CLVS1: variants seen among roughly 807,000 people sequenced by gnomAD.
The protein encoded by CLVS1 is clavesin-1.
Under a neutral mutation model 33.1 loss-of-function variants are expected in CLVS1, and 10 were observed. That is an observed-to-expected ratio of 0.30 (90% confidence interval 0.19 to 0.51). CLVS1 has a LOEUF of 0.51. CLVS1 is among the 20% of genes least tolerant of loss of function. The probability of loss-of-function intolerance (pLI) is 0.97; values close to 1 mark genes in which losing one functional copy is unlikely to be tolerated. For synonymous variants in CLVS1, 163 were observed against 166.1 expected (o/e 0.98, Z 0.14); for missense variants, 343 against 433.4 (o/e 0.79, Z 1.85).
intron 5 of CLVS1, among the ~76,000 whole-genome samples, chr8:61,469,166 A>G (rs1463752537): frequency 6.6e-6 from 1 of 152,204 alleles, no homozygotes; most frequent in Non-Finnish European, 1.5e-5. Flanking sequence ...CCTGTGTTTC[A>G]TGGAATCAAA....
At chr8:61,494,510 C>A (rs988463794) in intron 5 of CLVS1, among the ~76,000 whole-genome samples, 8 of 152,156 alleles carry the variant, frequency 5.3e-5, no homozygotes, top group African/African-American at 1.9e-4. Flanking sequence ...ACATGTTAAG[C>A]TTCTTGTGAG....
At chr8:61,233,158 T>C (rs1290424514) in intron 2 of CLVS1, among the ~76,000 whole-genome samples, 2 of 152,194 alleles carry the variant, frequency 1.3e-5, no homozygotes, top group Non-Finnish European at 2.9e-5. Context: ...ATTGTACCCA[T>C]CCTTCTCCCT....
In CLVS1 at chr8:61,119,983, C is replaced by T. The variant is rs1281537595; in HGVS notation, c.-242-11787C>T. On this transcript the variant is annotated intron_variant, in intron 1 of 2. Coordinates refer to the CLVS1 transcript ENST00000522621. ...TGCAGAGTGTTTTCCAACTTGGTTC[C>T]ATTCTCCCCATCACTTTCAGGTACA... Among the ~76,000 whole-genome samples the T allele has an allele frequency of 2.4e-3, 343 of 144,046 alleles. 8 individuals are homozygous for T. The highest frequency in any genetic ancestry group is 7.7e-4 in the Non-Finnish European group (51 of 66,116). 94.5% of individuals were successfully genotyped at this position (144,046 alleles called of 152,430 possible). A position where few individuals can be genotyped will look rare whatever the true frequency, so the allele number is the denominator to read the frequency against.
At chr8:61,301,617 T>C (rs1025076362) in intron 2 of CLVS1, among the ~76,000 whole-genome samples, 4 of 152,190 alleles carry the variant, frequency 2.6e-5, no homozygotes, top group Non-Finnish European at 4.4e-5. Context: ...CTTTGCATGG[T>C]AGATATTAGT....
chr8:61,199,385 T>C (rs1807683435), intron 2 of CLVS1, among the ~76,000 whole-genome samples: 1 of 152,124 alleles, frequency 6.6e-6, no homozygotes, highest in African/African-American at 2.4e-5. Context: ...ATCCAGAATC[T>C]ATAAGGAACT....
chr8:61,008,631 C>T, the CLVS1 span, among the ~76,000 whole-genome samples: 9 of 152,062 alleles, frequency 5.9e-5, no homozygotes, highest in South Asian at 1.0e-3. Context: ...CCACAGCAGG[C>T]GGGCATTCAC....
chr8:61,310,767 G>T (rs1458462808), intron 2 of CLVS1, among the ~76,000 whole-genome samples: 1 of 152,172 alleles, frequency 6.6e-6, no homozygotes, highest in African/African-American at 2.4e-5. Context: ...ACTGGATATT[G>T]CTTGAAATGT....
At chr8:61,277,480 A>T (rs141594819) in intron 2 of CLVS1, among the ~76,000 whole-genome samples, 1,590 of 152,282 alleles carry the variant, frequency 0.01, 13 homozygotes, top group Non-Finnish European at 0.016. Context: ...CAGGACAAAG[A>T]CACAGGTGAA....
the CLVS1 span, among the ~76,000 whole-genome samples, chr8:61,033,729 C>T: frequency 6.6e-6 from 1 of 152,162 alleles, no homozygotes; most frequent in East Asian, 1.9e-4. Context: ...GGTCTGTGTC[C>T]CTGGCCACTG....
intron 1 of CLVS1, among the ~76,000 whole-genome samples, chr8:61,291,662 T>G (rs1209269663): frequency 6.6e-6 from 1 of 152,140 alleles, no homozygotes; most frequent in African/African-American, 2.4e-5. Flanking sequence ...CTTTCCTTTT[T>G]TCTCTTCTTC....
At chr8:61,163,998 G>T (rs879370148) in intron 2 of CLVS1, among the ~76,000 whole-genome samples, 2 of 152,168 alleles carry the variant, frequency 1.3e-5, no homozygotes, top group African/African-American at 4.8e-5. Flanking sequence ...GGACCCAAAG[G>T]GGGTTGCCCA....
chr8:61,132,653 A>G (rs1226692526), intron 2 of CLVS1, among the ~76,000 whole-genome samples: 3 of 152,208 alleles, frequency 2.0e-5, no homozygotes, highest in South Asian at 2.1e-4. Flanking sequence ...TTACTAGAGA[A>G]CAGCCTGTCT....
intron 1 of CLVS1, among the ~76,000 whole-genome samples, chr8:61,097,646 C>A (rs1325414353): frequency 6.6e-6 from 1 of 152,150 alleles, no homozygotes; most frequent in Non-Finnish European, 1.5e-5. Context: ...CTCATCTTGG[C>A]ACCAAGTCCC....
chr8:61,101,522 C>T (rs1174290867), intron 1 of CLVS1, among the ~76,000 whole-genome samples: 3 of 152,072 alleles, frequency 2.0e-5, no homozygotes, highest in African/African-American at 7.2e-5. Context: ...GATACAAATT[C>T]TTTATCAGAT....
chr8:61,280,177 C>T (rs570592688), intron 2 of CLVS1, among the ~76,000 whole-genome samples: 16 of 152,236 alleles, frequency 1.1e-4, no homozygotes, highest in African/African-American at 2.6e-4. Flanking sequence ...AAAATGATGT[C>T]GAATTTCTGC....
chr8:61,256,370 G>T (rs532630517), intron 2 of CLVS1, among the ~76,000 whole-genome samples: 73 of 152,192 alleles, frequency 4.8e-4, no homozygotes, highest in African/African-American at 1.7e-3. Flanking sequence ...AAAATTAGCC[G>T]GGCGTGGTGG....
chr8:60,976,290 T>C, the CLVS1 span, among the ~76,000 whole-genome samples: 52 of 152,340 alleles, frequency 3.4e-4, no homozygotes, highest in Non-Finnish European at 5.9e-4. Flanking sequence ...TGCTTTTTCA[T>C]GTTTGGGAAA....
At chr8:61,074,749 C>T (rs1006486319) in intron 1 of CLVS1, among the ~76,000 whole-genome samples, 2 of 151,840 alleles carry the variant, frequency 1.3e-5, no homozygotes, top group Non-Finnish European at 2.9e-5. Flanking sequence ...ATGGTGGGGG[C>T]AGTGTAGACA....
intron 2 of CLVS1, among the ~76,000 whole-genome samples, chr8:61,307,989 A>G (rs930150016): frequency 2.0e-5 from 3 of 152,242 alleles, no homozygotes; most frequent in Non-Finnish European, 4.4e-5. Flanking sequence ...AGGCAGGATC[A>G]GTATTATTGA....
Sources: gnomAD v4.1 joint callset for allele counts (sites outside exome capture counted in the v4.1 genomes callset) on GRCh38, gnomAD v4.1.1 for gene constraint, MANE v1.5 for transcripts, NCBI Gene and HGNC (gene_info 2026-07-23, HGNC 2026-07-21) for gene names.